ARID4A: variants seen among roughly 807,000 people sequenced by gnomAD.
ARID4A encodes the protein AT-rich interactive domain-containing protein 4A.
A neutral mutation model predicts 148.6 loss-of-function variants in ARID4A; 39 were observed. That is an observed-to-expected ratio of 0.26 (90% CI 0.20 to 0.34). ARID4A has a LOEUF of 0.34. Among genes scored for constraint, ARID4A ranks in the 10% least tolerant of loss-of-function variants. The pLI is 1.00. For synonymous variants in ARID4A, 475 were observed against 481.2 expected (o/e 0.99, Z 0.17); for missense variants, 1,265 against 1,449.1 (o/e 0.87, Z 2.06).
intron 11 of ARID4A, among the ~76,000 whole-genome samples, chr14:58,339,261 G>A (rs2033990493): frequency 6.6e-6 from 1 of 152,128 alleles, no homozygotes; most frequent in Admixed American, 6.5e-5. Context: ...ACAGGCAGGA[G>A]CCACTGAGCC....
chr14:58,328,112 G>T, intron 8 of ARID4A, 125 bp from the exon 9 acceptor site: 1 of 670,936 alleles, frequency 1.5e-6, no homozygotes. Context: ...TATTTATAAT[G>T]AAGCTGTTTT....
intron 19 of ARID4A, among the ~76,000 whole-genome samples, chr14:58,363,261 A>AT (rs956477824): frequency 1.3e-5 from 2 of 152,192 alleles, no homozygotes; most frequent in African/African-American, 2.4e-5. Flanking sequence ...TGTGGACAAT[A>AT]TTTTTATATT....
At chr14:58,338,190 A>G (rs565913381) in intron 11 of ARID4A, among the ~76,000 whole-genome samples, 38 of 152,350 alleles carry the variant, frequency 2.5e-4, no homozygotes, top group African/African-American at 8.4e-4. Flanking sequence ...TAAAAATTCA[A>G]CAGATGTCTG....
intron 7 of ARID4A, among the ~76,000 whole-genome samples, chr14:58,320,799 G>A (rs1308427364): frequency 2.6e-5 from 4 of 151,930 alleles, no homozygotes; most frequent in Admixed American, 1.3e-4. Context: ...AGTAGAGACG[G>A]GATTTCACTG....
intron 18 of ARID4A, 105 bp downstream of exon 18, chr14:58,359,321 T>C: frequency 8.9e-7 from 1 of 1,122,378 alleles, no homozygotes; most frequent in South Asian, 1.7e-5. Flanking sequence ...ATACCAAGAT[T>C]GAGAGCAAGG....
chr14:58,322,977 A>T (rs2032992520), intron 7 of ARID4A, among the ~76,000 whole-genome samples: 1 of 143,644 alleles, frequency 7.0e-6, no homozygotes, highest in Non-Finnish European at 1.5e-5. Context: ...AAAAAAAAAA[A>T]AAAATATATA....
chr14:58,333,208 GA>G (rs758058322), intron 11 of ARID4A, among the ~76,000 whole-genome samples: 1 of 151,904 alleles, frequency 6.6e-6, no homozygotes, highest in Admixed American at 6.6e-5. Flanking sequence ...TAATTATATT[GA>G]AAAAATCCCT....
chr14:58,303,954 A>G (rs527548854), intron 3 of ARID4A, among the ~76,000 whole-genome samples: 13 of 152,254 alleles, frequency 8.5e-5, no homozygotes, highest in African/African-American at 2.6e-4. Flanking sequence ...TAGTAAAAAT[A>G]CAAAAAATTA....
chr14:58,347,263 G>A, intron 14 of ARID4A, 146 bp downstream of exon 14: 1 of 486,478 alleles, frequency 2.1e-6, no homozygotes, highest in Non-Finnish European at 3.5e-6. Context: ...ACTTGTGATT[G>A]AAAGTTATTT....
chr14:58,341,206 A>C (rs1337729976), intron 11 of ARID4A, among the ~76,000 whole-genome samples: 8 of 152,160 alleles, frequency 5.3e-5, no homozygotes, highest in African/African-American at 1.4e-4. Flanking sequence ...CTTCCAATCC[A>C]TCAAACTCAT....
intron 8 of ARID4A, among the ~76,000 whole-genome samples, chr14:58,324,399 C>T (rs1416365827): frequency 6.6e-6 from 1 of 152,144 alleles, no homozygotes; most frequent in African/African-American, 2.4e-5. Flanking sequence ...TTTCAGCCTC[C>T]CAAGCAGCTA....
intron 8 of ARID4A, among the ~76,000 whole-genome samples, chr14:58,326,816 G>A (rs1007062578): frequency 5.9e-5 from 9 of 152,074 alleles, no homozygotes; most frequent in African/African-American, 2.2e-4. Context: ...CCTTTTCCTT[G>A]CCCAGGTTAG....
chr14:58,357,614 G>GTTTT (rs11424644), intron 17 of ARID4A, among the ~76,000 whole-genome samples: 2 of 134,202 alleles, frequency 1.5e-5, no homozygotes, highest in African/African-American at 2.8e-5. Context: ...TTTTTGCATG[G>GTTTT]TTTTTTTTTT....
chr14:58,300,934 T>C (rs1010629998), intron 2 of ARID4A, among the ~76,000 whole-genome samples: 1 of 152,216 alleles, frequency 6.6e-6, no homozygotes, highest in African/African-American at 2.4e-5. Flanking sequence ...GTCCATTTGC[T>C]GAAAGTAGAT....
chr14:58,303,719 A>G (rs561886429), intron 3 of ARID4A: 64 of 281,862 alleles, frequency 2.3e-4, no homozygotes, highest in African/African-American at 1.3e-3. Flanking sequence ...TTCCAAATGC[A>G]AATTTTCCCC....
At chr14:58,322,501 A>G (rs2032956086) in intron 7 of ARID4A, among the ~76,000 whole-genome samples, 2 of 152,144 alleles carry the variant, frequency 1.3e-5, no homozygotes, top group African/African-American at 4.8e-5. Flanking sequence ...TGCAGTCAAT[A>G]AAGAAAACTG....
At chr14:58,307,236 GA>G (rs2031677713) in intron 5 of ARID4A, among the ~76,000 whole-genome samples, 1 of 152,152 alleles carries the variant, frequency 6.6e-6, no homozygotes, top group South Asian at 2.1e-4. Flanking sequence ...ATAAAAGAAT[GA>G]CCATTTAGGT....
In ARID4A at chr14:58,354,992, T is replaced by C. The variant is rs545407558; in HGVS notation, c.1853+1137T>C. Among the ~76,000 whole-genome samples, 3 of 152,350 alleles carry C rather than the reference T, an allele frequency of 2.0e-5. No individual in the cohort carries two copies. In the East Asian group the frequency reaches 5.8e-4, roughly 29 times the overall value. On this transcript the variant is annotated intron_variant, in intron 17 of 23. Transcript: ENST00000355431. The stretch of plus-strand genomic sequence containing the variant: ...GAATGGACTTGTCTGATGTTGATGC[T>C]CTTTGAAATTGTTCATGTTTCAACA...
chr14:58,365,076 C>T lies in ARID4A; in HGVS notation c.2987C>T (p.Pro996Leu). The T allele has an allele frequency of 3.1e-6, 5 of 1,614,108 alleles. No individual in the cohort carries two copies. The highest frequency in any genetic ancestry group is 4.2e-6 in the Non-Finnish European group (5 of 1,180,008). The change falls in exon 20 of 24, where the codon CCT (proline) becomes CTT (leucine). Residue 996 changes from proline (P) to leucine (L), a missense_variant. Physicochemically the swap from Pro to Leu is moderately conservative, Grantham distance 98. Coordinates refer to ENST00000355431, the MANE Select transcript of ARID4A (RefSeq NM_002892.4). ...NSLVSIPPALPPVVQHNFSVA... is the reference protein window; with the variant it reads ...NSLVSIPPALLPVVQHNFSVA... ...CTTGTTTCTATTCCACCTGCCCTAC[C>T]TCCTGTAGTCCAACATAACTTTTCA...
Sources: gnomAD v4.1 joint callset for allele counts (sites outside exome capture counted in the v4.1 genomes callset) on GRCh38, gnomAD v4.1.1 for gene constraint, MANE v1.5 for transcripts, NCBI Gene and HGNC (gene_info 2026-07-23, HGNC 2026-07-21) for gene names.